Variants in COL18A1 observed in about 807,000 individuals in gnomAD.
COL18A1 encodes collagen type XVIII alpha 1 chain, also known as collagen alpha-1(XVIII) chain.
Under a neutral mutation model 168.0 loss-of-function variants are expected in COL18A1, and 133 were observed. The observed-to-expected ratio is 0.79, with a 90% CI of 0.69 to 0.91. The LOEUF (loss-of-function observed/expected upper bound fraction) is 0.91, where lower values mean the gene tolerates loss of function less well. Ranked by LOEUF, COL18A1 falls within the 40% of genes least tolerant of loss-of-function variation. The pLI is 0.00. For synonymous variants in COL18A1, 949 were observed against 809.0 expected (o/e 1.17, Z -2.94); for missense variants, 2,126 against 1,925.4 (o/e 1.10, Z -1.95).
Position 45,468,180 on chromosome 21 carries a change from G to T in COL18A1, c.107-62G>T, listed in dbSNP as rs751555816. The T allele has an allele frequency of 5.7e-6, 9 of 1,583,680 alleles. No individual in the cohort carries two copies. The East Asian group carries it at 2.0e-4, about 35-fold the overall frequency. ...CCCTGCCTGGCTGCCTCTCCAGGCC[G>T]CGTCGGTGGCCCCTGGTTCCGTCCT... On this transcript the variant is annotated intron_variant, in intron 2 of 41. Transcript: ENST00000651438.
chr21:45,438,325 TGCAC>T (rs1178833237), intron 2 of COL18A1, among the ~76,000 whole-genome samples: 2 of 45,142 alleles, frequency 4.4e-5, no homozygotes, highest in Non-Finnish European at 7.9e-5. Flanking sequence ...GGCACTCTCC[TGCAC>T]ACACACACAC....
At position 45,471,853 on chromosome 21, in the gene COL18A1, GT is replaced by G. The variant is rs1211563274; in HGVS notation, c.652-2041del. Reference sequence around the variant, plus strand: ...AATTCCTGTGAGCTCTGTTTCAGGTGTCTCCGGATTTCATAACTTTCAGTCC... The same window carrying G: ...AATTCCTGTGAGCTCTGTTTCAGGTGCTCCGGATTTCATAACTTTCAGTCC... On this transcript the variant is annotated intron_variant, in intron 3 of 41. Coordinates refer to ENST00000651438, the MANE Select transcript of COL18A1 (RefSeq NM_001379500.1). The surrounding 1 kb of genome is among the most constrained non-coding windows in gnomAD (Gnocchi z 4.4). 2.6e-5 allele frequency among the ~76,000 whole-genome samples: 4 copies of G among 152,148 alleles called. No individual in the cohort carries two copies. Among genetic ancestry groups the G allele is most frequent in the Non-Finnish European group, 5.9e-5 (4 of 68,020 alleles).
intron 2 of COL18A1, among the ~76,000 whole-genome samples, chr21:45,446,044 T>G (rs944081369): frequency 1.3e-5 from 2 of 152,210 alleles, no homozygotes; most frequent in Non-Finnish European, 2.9e-5. Flanking sequence ...AAGAAAACCT[T>G]CAAAAGTTTT....
chr21:45,445,079 C>T (rs987126149), intron 2 of COL18A1, among the ~76,000 whole-genome samples: 4 of 152,208 alleles, frequency 2.6e-5, no homozygotes, highest in African/African-American at 4.8e-5. Flanking sequence ...CCCCATCGAC[C>T]GTGGAACATT....
intron 2 of COL18A1, chr21:45,424,299 C>G (rs1210295756): frequency 6.6e-6 from 1 of 152,392 alleles, no homozygotes; most frequent in African/African-American, 2.4e-5. Context: ...GCCCAGGGCA[C>G]AGGCAGGCTC....
intron 2 of COL18A1, among the ~76,000 whole-genome samples, chr21:45,450,946 C>A (rs571829938): frequency 1.3e-5 from 2 of 152,354 alleles, no homozygotes; most frequent in African/African-American, 4.8e-5. Flanking sequence ...ACAGCACCCC[C>A]GGGTCCACCA....
In COL18A1 at chr21:45,497,613, C is replaced by T; in HGVS notation, c.2635C>T (p.Pro879Ser). The T allele has an allele frequency of 1.3e-6, 2 of 1,565,566 alleles. No individual in the cohort carries two copies. The highest frequency in any genetic ancestry group is 1.7e-6 in the Non-Finnish European group (2 of 1,155,536). The part of the protein sequence containing the change: ...PPGLPGNQGP[P>S]GPKGAKGEVG... ...TCTTCCTCCAGGGAATCAGGGCCCTCCAGGACCCAAGGGCGCCAAAGGAGA... is the reference window on the plus strand; with the variant it reads ...TCTTCCTCCAGGGAATCAGGGCCCTTCAGGACCCAAGGGCGCCAAAGGAGA... Residue 879 changes from proline (P) to serine (S), a missense_variant, in exon 32 of 42, where the codon CCA becomes TCA. Pro to Ser is a moderately conservative substitution (Grantham distance 74, BLOSUM62 -1). Transcript: ENST00000651438.
At chr21:45,407,774 A>T (rs140009695) in intron 2 of COL18A1, among the ~76,000 whole-genome samples, 1 of 152,306 alleles carries the variant, frequency 6.6e-6, no homozygotes, top group Non-Finnish European at 1.5e-5. Flanking sequence ...CAGAAGATGC[A>T]TGTCCTGCCC....
At chr21:45,454,092 C>T (rs1489025568) in intron 2 of COL18A1, among the ~76,000 whole-genome samples, 1 of 152,196 alleles carries the variant, frequency 6.6e-6, no homozygotes, top group African/African-American at 2.4e-5. Flanking sequence ...CTTCTCTGGG[C>T]ATCTCTGAGA....
chr21:45,425,913 T>C lies in COL18A1; in HGVS notation c.106+20440T>C, dbSNP rs1438256449. Among the ~76,000 whole-genome samples, 4 of 152,276 alleles carry C rather than the reference T, an allele frequency of 2.6e-5. No individual in the cohort carries two copies. Among genetic ancestry groups the C allele is most frequent in the African/African-American group, 9.6e-5 (4 of 41,550 alleles). ...GCTGTCCTTCTTGCCCAAAGCACCGTGAGGCCTCATCCCTGCATCCCTGTT... is the reference window on the plus strand; with the variant it reads ...GCTGTCCTTCTTGCCCAAAGCACCGCGAGGCCTCATCCCTGCATCCCTGTT... On this transcript the variant is annotated intron_variant, in intron 2 of 41. Coordinates refer to ENST00000651438, the MANE Select transcript of COL18A1 (RefSeq NM_001379500.1). The surrounding 1 kb of genome is among the most constrained non-coding windows in gnomAD (Gnocchi z 4.1).
intron 2 of COL18A1, among the ~76,000 whole-genome samples, chr21:45,452,893 A>G (rs893962181): frequency 6.6e-6 from 1 of 151,866 alleles, no homozygotes; most frequent in African/African-American, 2.4e-5. Context: ...CACATGTGAC[A>G]TGTGAGCATG....
rs375363285 is a variant in COL18A1 at position 45,455,612 on chromosome 21, C to T, written c.107-12630C>T. On this transcript the variant is annotated intron_variant, in intron 2 of 41. Coordinates refer to ENST00000651438, the MANE Select transcript of COL18A1 (RefSeq NM_001379500.1). Reference sequence around the variant, plus strand: ...GGCTGCCCGGGCCAACCTGCTGAACCTGAACTGGCTTTGGTTCAATAATGA... The same window carrying T: ...GGCTGCCCGGGCCAACCTGCTGAACTTGAACTGGCTTTGGTTCAATAATGA... The T allele has an allele frequency of 1.2e-5, 20 of 1,613,888 alleles. No individual in the cohort carries two copies. In the African/African-American group the frequency reaches 2.7e-4, roughly 22 times the overall value.
intron 24 of COL18A1, among the ~76,000 whole-genome samples, 200 bp downstream of exon 24, chr21:45,492,913 G>A (rs545637137): frequency 6.6e-6 from 1 of 152,348 alleles, no homozygotes; most frequent in African/African-American, 2.4e-5. Context: ...GCACCCGTGA[G>A]GGTGAGGCAG....
intron 2 of COL18A1, among the ~76,000 whole-genome samples, chr21:45,437,854 T>A (rs1182794438): frequency 8.8e-4 from 18 of 20,528 alleles, no homozygotes; most frequent in South Asian, 4.8e-3. Context: ...CTGCACACAC[T>A]CACACTCACA....
Position 45,501,107 on chromosome 21 carries a change from GGT to G in COL18A1, c.2684-2886_2684-2885del, listed in dbSNP as rs34746806. ...GGTGTGGAGTGTGGGGGTGTGGTTT[GGT>G]GTGTGTGTGTGTGTGTGCAAAGTAT... On this transcript the variant is annotated intron_variant, in intron 32 of 41. Coordinates refer to ENST00000651438, the MANE Select transcript of COL18A1 (RefSeq NM_001379500.1). Among the ~76,000 whole-genome samples, 32 of 60,388 alleles carry G rather than the reference GGT, an allele frequency of 5.3e-4. 2 individuals carry two copies. The highest frequency in any genetic ancestry group is 2.4e-3 in the East Asian group (8 of 3,344). 39.6% of individuals were successfully genotyped at this position (60,388 alleles called of 152,430 possible).
chr21:45,437,124 C>CTCAG (rs1368182288), intron 2 of COL18A1, among the ~76,000 whole-genome samples: 6 of 100,796 alleles, frequency 6.0e-5, no homozygotes, highest in Non-Finnish European at 9.6e-5. Flanking sequence ...CACACACAGA[C>CTCAG]ACACAGGCAC....
At position 45,497,680 on chromosome 21, in the gene COL18A1, C is replaced by A. The variant is rs1392376675; in HGVS notation, c.2683+19C>A. 1.3e-6 allele frequency: 2 copies of A among 1,559,726 alleles called. No homozygotes were observed. The highest frequency in any genetic ancestry group is 1.2e-5 in the South Asian group (1 of 84,846). ...CCACCAGGTGAGCAACTCTGGACATCCCAGGCAGGAGAGCCATGGCGTGGC... is the reference window on the plus strand; with the variant it reads ...CCACCAGGTGAGCAACTCTGGACATACCAGGCAGGAGAGCCATGGCGTGGC... On this transcript the variant is annotated intron_variant, in intron 32 of 41. Coordinates refer to ENST00000651438, the MANE Select transcript of COL18A1 (RefSeq NM_001379500.1).
At chr21:45,415,110 C>T (rs967350057) in intron 2 of COL18A1, among the ~76,000 whole-genome samples, 2 of 152,138 alleles carry the variant, frequency 1.3e-5, no homozygotes, top group Non-Finnish European at 2.9e-5. Context: ...CTGACTTGTC[C>T]CAGCAGCCAG....
chr21:45,412,493 C>T (rs1016494918), intron 2 of COL18A1, among the ~76,000 whole-genome samples: 19 of 152,252 alleles, frequency 1.2e-4, no homozygotes, highest in South Asian at 4.1e-4. Flanking sequence ...CCACCTGCCT[C>T]GGCCTCCCAA....
Sources: gnomAD v4.1 joint callset for allele counts (sites outside exome capture counted in the v4.1 genomes callset) on GRCh38, gnomAD v4.1.1 for gene constraint, Gnocchi (gnomAD v3.1) non-coding constraint, MANE v1.5 for transcripts, NCBI Gene and HGNC (gene_info 2026-07-23, HGNC 2026-07-21) for gene names.